Variants in RFC5 observed in about 807,000 individuals in gnomAD.
RFC5 encodes the protein replication factor C subunit 5, also known as A1 36 kDa subunit.
RFC5 carries 26 observed loss-of-function variants against 44.3 expected under a neutral mutation model. The observed-to-expected ratio is 0.59, with a 90% CI of 0.43 to 0.81. The LOEUF (loss-of-function observed/expected upper bound fraction) is 0.81, where lower values mean the gene tolerates loss of function less well. Among genes scored for constraint, RFC5 ranks in the 40% least tolerant of loss-of-function variants. RFC5 has a pLI of 0.00. For missense variants in RFC5, 328 were observed against 418.6 expected (o/e 0.78, Z 1.89); for synonymous variants, 155 against 155.2 (o/e 1.00, Z 0.01).
intron 1 of RFC5, chr12:118,018,111 A>G: frequency 1.5e-6 from 1 of 670,038 alleles, no homozygotes; most frequent in Non-Finnish European, 2.7e-6. Flanking sequence ...ACTCAGGATC[A>G]TGTTTTCAAG....
At chr12:118,027,296 A>G (rs796156671) in intron 8 of RFC5, 29 of 384,566 alleles carry the variant, frequency 7.5e-5, no homozygotes, top group Admixed American at 5.3e-4. Flanking sequence ...TTGAAGATGC[A>G]GGAATTTTCA....
intron 6 of RFC5, 34 bp from the exon 7 acceptor site, chr12:118,025,713 G>A (rs772343750): frequency 2.4e-6 from 3 of 1,238,938 alleles, no homozygotes; most frequent in Non-Finnish European, 3.6e-6. Context: ...GCTCTCAGGG[G>A]GCCTCATAAA....
At chr12:118,025,326 CT>C in intron 6 of RFC5, 1 of 334,586 alleles carries the variant, frequency 3.0e-6, no homozygotes. Context: ...TGCTTCCAGC[CT>C]TTTTAGACTA....
At chr12:118,038,665 A>T in the RFC5 span, among the ~76,000 whole-genome samples, 1 of 152,152 alleles carries the variant, frequency 6.6e-6, no homozygotes, top group East Asian at 1.9e-4. Context: ...GAAGGGGTAC[A>T]TTGATCACTT....
At chr12:118,026,733 T>G (rs111698508) in intron 7 of RFC5, among the ~76,000 whole-genome samples, 156 bp from the exon 8 acceptor site, 85 of 152,294 alleles carry the variant, frequency 5.6e-4, no homozygotes, top group African/African-American at 1.7e-3. Flanking sequence ...AGGTGACTCT[T>G]CCGGTATTGA....
downstream of RFC5, among the ~76,000 whole-genome samples, chr12:118,037,262 C>G (rs184670959): frequency 7.0e-4 from 107 of 152,246 alleles, 1 homozygote; most frequent in Non-Finnish European, 1.2e-3. Context: ...TTACACCCCC[C>G]ACCTTGTGTA....
downstream of RFC5, chr12:118,036,511 C>G: frequency 6.2e-7 from 1 of 1,607,974 alleles, no homozygotes; most frequent in Non-Finnish European, 8.5e-7. Context: ...ATAGAAAGAC[C>G]TGTGGAAAGT....
At position 118,022,373 on chromosome 12, in the gene RFC5, C is replaced by T; in HGVS notation, c.421+14C>T. The T allele has an allele frequency of 1.9e-6, 3 of 1,590,750 alleles. No individual in the cohort carries two copies. Among genetic ancestry groups the T allele is most frequent in the Non-Finnish European group, 1.7e-6 (2 of 1,158,664 alleles). ...CCTTGAGAAGAGGTAAGCAGAGGCACTGTGGAGCGTTTGGGCTGGTGTGCA... is the reference window on the plus strand; with the variant it reads ...CCTTGAGAAGAGGTAAGCAGAGGCATTGTGGAGCGTTTGGGCTGGTGTGCA... On this transcript the variant is annotated intron_variant, in intron 5 of 10. Transcript: ENST00000454402.
At chr12:118,037,424 T>C (rs1235458154), downstream of RFC5, among the ~76,000 whole-genome samples, 1 of 152,126 alleles carries the variant, frequency 6.6e-6, no homozygotes, top group African/African-American at 2.4e-5. Flanking sequence ...CCCAGCACTT[T>C]GGGAGGCCCA....
rs2031350453 is a variant in RFC5 at position 118,032,013 on chromosome 12, T to G, written c.*735T>G. 1 of 152,228 alleles carries G rather than the reference T, an allele frequency of 6.6e-6. No individual in the cohort carries two copies. The highest frequency in any genetic ancestry group is 2.1e-4 in the South Asian group (1 of 4,830). The allele number at this position is 152,228 out of a possible 1,614,324, so 9.4% of individuals were successfully genotyped here. A position where few individuals can be genotyped will look rare whatever the true frequency, so the allele number is the denominator to read the frequency against. ...TGTAAACCTAGAACTGCGGAAGGAC[T>G]GGGACTTTTGTACAAATTTCACATT... On this transcript the variant is annotated 3_prime_UTR_variant, in exon 11 of 11. Transcript: ENST00000454402.
downstream of RFC5, among the ~76,000 whole-genome samples, chr12:118,037,118 G>A (rs966594832): frequency 3.9e-5 from 6 of 152,062 alleles, no homozygotes; most frequent in Admixed American, 2.0e-4. Context: ...GTAGGTGGAG[G>A]TTGCAGTGAC....
chr12:118,018,446 G>A (rs1261973432), intron 1 of RFC5, among the ~76,000 whole-genome samples: 5 of 152,170 alleles, frequency 3.3e-5, no homozygotes, highest in African/African-American at 1.2e-4. Context: ...CACACTGAGT[G>A]CCATAGGACC....
At chr12:118,033,997 C>T (rs1269256733), downstream of RFC5, 2 of 680,648 alleles carry the variant, frequency 2.9e-6, no homozygotes, top group Admixed American at 5.9e-5. Context: ...GGAATCTCTT[C>T]CTCTAAGACT....
chr12:118,029,792 G>A lies in RFC5; in HGVS notation c.893G>A (p.Arg298Gln), dbSNP rs754606469. ...TCAGTTGACTTTCCATCTTCAGTTC[G>A]AATACATTTATTGACCAAAATGGCA... ...VHRVDFPSSV[R>Q]IHLLTKMADI... Residue 298 changes from arginine to glutamine, a missense_variant, in exon 10 of 11, where the codon CGA becomes CAA. By Grantham distance (43) the Arg-to-Gln change is conservative (BLOSUM62 1). Transcript: ENST00000454402. 6.8e-6 allele frequency: 11 copies of A among 1,609,994 alleles called. 1 individual carries two copies. Among genetic ancestry groups the A allele is most frequent in the Non-Finnish European group, 8.5e-6 (10 of 1,176,404 alleles).
At chr12:118,040,655 A>G in the RFC5 span, among the ~76,000 whole-genome samples, 1 of 97,440 alleles carries the variant, frequency 1.0e-5, no homozygotes, top group African/African-American at 3.7e-5. Context: ...GCTCTGTCTC[A>G]AAAAAAAAAA....
chr12:118,041,173 C>G, the RFC5 span, among the ~76,000 whole-genome samples: 5 of 152,304 alleles, frequency 3.3e-5, no homozygotes, highest in Admixed American at 1.3e-4. Context: ...ATGTGCCCCC[C>G]ACACATAAAG....
At chr12:118,025,109 G>A (rs1049947767) in intron 6 of RFC5, 99 bp downstream of exon 6, 16 of 1,181,108 alleles carry the variant, frequency 1.4e-5, no homozygotes, top group Admixed American at 6.8e-5. Flanking sequence ...GTTGGAAAAC[G>A]ACTTTGCAGA....
At position 118,022,267 on chromosome 12, in the gene RFC5, G is replaced by A. The variant is rs1241480822; in HGVS notation, c.348-19G>A. ...ATGAGATTGAAGAAATCTTTAGACA[G>A]CACCATTTGTTTTTCTAGGAAAGGC... On this transcript the variant is annotated intron_variant, in intron 4 of 10. Transcript: ENST00000454402. 6.3e-7 allele frequency: 1 copy of A among 1,599,220 alleles called. No individual in the cohort carries two copies. Among genetic ancestry groups the A allele is most frequent in the South Asian group, 1.1e-5 (1 of 90,800 alleles).
chr12:118,030,191 A>C (rs546011338), intron 10 of RFC5, among the ~76,000 whole-genome samples: 1 of 152,322 alleles, frequency 6.6e-6, no homozygotes, highest in East Asian at 1.9e-4. Flanking sequence ...GGGAAAAGTA[A>C]ACACAAACTC....
Sources: allele counts gnomAD v4.1 joint callset (sites outside exome capture counted in the v4.1 genomes callset), GRCh38; gene constraint gnomAD v4.1.1; transcripts MANE v1.5; gene names NCBI Gene and HGNC (gene_info 2026-07-23, HGNC 2026-07-21).